Variants in CTNNA3 observed in about 807,000 individuals in gnomAD.
CTNNA3 encodes catenin alpha 3.
CTNNA3 carries 76 observed loss-of-function variants against 95.7 expected under a neutral mutation model. That is an observed-to-expected ratio of 0.79 (90% confidence interval 0.66 to 0.96). The LOEUF is 0.96. Ranked by LOEUF, CTNNA3 falls within the 40% of genes least tolerant of loss-of-function variation. CTNNA3 has a pLI of 0.00. For missense variants in CTNNA3, 1,191 were observed against 1,089.8 expected (o/e 1.09, Z -1.31); for synonymous variants, 431 against 374.4 (o/e 1.15, Z -1.74).
At chr10:66,667,222 A>T (rs942845943) in intron 9 of CTNNA3, among the ~76,000 whole-genome samples, 2 of 151,988 alleles carry the variant, frequency 1.3e-5, no homozygotes, top group Non-Finnish European at 2.9e-5. Flanking sequence ...TTACTATAAG[A>T]GCACAAAGTT....
chr10:66,618,284 G>A (rs960703788), intron 10 of CTNNA3, among the ~76,000 whole-genome samples: 1 of 151,832 alleles, frequency 6.6e-6, no homozygotes, highest in African/African-American at 2.4e-5. Flanking sequence ...CAAAGCTGGA[G>A]GCATCACGCT....
At chr10:66,750,140 A>G (rs1839073613) in intron 9 of CTNNA3, among the ~76,000 whole-genome samples, 1 of 152,162 alleles carries the variant, frequency 6.6e-6, no homozygotes, top group African/African-American at 2.4e-5. Context: ...ATGTATTTCA[A>G]ATATATTATT....
intron 5 of CTNNA3, among the ~76,000 whole-genome samples, chr10:67,437,010 G>T (rs1337961838): frequency 6.6e-6 from 1 of 152,110 alleles, no homozygotes; most frequent in Non-Finnish European, 1.5e-5. Flanking sequence ...TATTCGAAAA[G>T]ATACTTGCAC....
intron 15 of CTNNA3, among the ~76,000 whole-genome samples, chr10:66,040,110 A>C (rs1349159128): frequency 6.6e-6 from 1 of 152,214 alleles, no homozygotes; most frequent in Non-Finnish European, 1.5e-5. Context: ...TGTAGCCAAC[A>C]CACTTATTTA....
intron 1 of CTNNA3, among the ~76,000 whole-genome samples, chr10:67,755,439 G>T (rs911146631): frequency 1.3e-5 from 2 of 152,000 alleles, no homozygotes; most frequent in Admixed American, 1.3e-4. Context: ...CAGTATGGAG[G>T]TTCCTCAAAA....
At chr10:67,626,722 C>T (rs1838968923) in intron 2 of CTNNA3, among the ~76,000 whole-genome samples, 1 of 152,066 alleles carries the variant, frequency 6.6e-6, no homozygotes. Flanking sequence ...CATTAAACTC[C>T]CTCATCTATT....
intron 6 of CTNNA3, among the ~76,000 whole-genome samples, chr10:67,191,798 C>A (rs1863131748): frequency 6.6e-6 from 1 of 151,814 alleles, no homozygotes; most frequent in South Asian, 2.1e-4. Context: ...CCAAAGCAAT[C>A]TTAAGAACAA....
intron 15 of CTNNA3, among the ~76,000 whole-genome samples, chr10:66,044,851 T>A (rs1167167058): frequency 6.6e-6 from 1 of 152,214 alleles, no homozygotes; most frequent in Non-Finnish European, 1.5e-5. Flanking sequence ...TTATATGCAT[T>A]ATTATATAAT....
chr10:67,464,942 T>G (rs1847528740), intron 5 of CTNNA3, among the ~76,000 whole-genome samples: 1 of 151,754 alleles, frequency 6.6e-6, no homozygotes, highest in Non-Finnish European at 1.5e-5. Flanking sequence ...AAAAGTTTAA[T>G]GGGGGAGAAA....
intron 7 of CTNNA3, among the ~76,000 whole-genome samples, chr10:67,021,117 A>G (rs550967546): frequency 6.8e-4 from 104 of 152,316 alleles, no homozygotes; most frequent in African/African-American, 2.5e-3. Context: ...AGGAGGAGAT[A>G]AAATGTGACG....
intron 7 of CTNNA3, among the ~76,000 whole-genome samples, chr10:66,785,525 T>C (rs570074077): frequency 6.6e-6 from 1 of 152,206 alleles, no homozygotes; most frequent in Admixed American, 6.5e-5. Flanking sequence ...GCTCTCCTGG[T>C]TCGCAGGCTT....
intron 7 of CTNNA3, among the ~76,000 whole-genome samples, chr10:67,058,048 C>T (rs1220955300): frequency 1.3e-5 from 2 of 152,078 alleles, no homozygotes; most frequent in South Asian, 2.1e-4. Flanking sequence ...GTACAGTGTC[C>T]CCAAGACCTG....
chr10:66,453,083 G>A (rs745538897), intron 11 of CTNNA3, among the ~76,000 whole-genome samples: 4 of 151,880 alleles, frequency 2.6e-5, no homozygotes, highest in Non-Finnish European at 4.4e-5. Flanking sequence ...CAGGTGTGGC[G>A]GCATGCACCT....
chr10:66,520,751 A>G lies in CTNNA3; in HGVS notation c.1397T>C (p.Leu466Ser). 1 of 1,612,980 alleles carries G rather than the reference A, an allele frequency of 6.2e-7. No individual in the cohort carries two copies. Among genetic ancestry groups the G allele is most frequent in the East Asian group, 2.2e-5 (1 of 44,800 alleles). Residue 466 changes from leucine (L) to serine (S), a missense_variant, in exon 11 of 18, where the codon TTG becomes TCG. Transcript: ENST00000433211. ...CPQIINAALALAARPKSQAVK... is the reference protein window; with the variant it reads ...CPQIINAALASAARPKSQAVK... ...CGCTTGACTTTTGGGTCTTGCAGCC[A>G]AAGCAAGTGCAGCATTAATAATCTA...
intron 12 of CTNNA3, among the ~76,000 whole-genome samples, chr10:66,303,803 C>T (rs1291938129): frequency 6.6e-6 from 1 of 152,020 alleles, no homozygotes; most frequent in Non-Finnish European, 1.5e-5. Context: ...CCGTGTTAGC[C>T]AGGATGGTCT....
rs1840339620 is a variant in CTNNA3 at position 67,531,870 on chromosome 10, C to A, written c.459+7633G>T. Among the ~76,000 whole-genome samples the A allele has an allele frequency of 2.6e-5, 4 of 152,140 alleles. 1 individual carries two copies. The South Asian group carries it at 8.3e-4, about 31-fold the overall frequency. On this transcript the variant is annotated intron_variant, in intron 4 of 17. Coordinates refer to ENST00000433211, the MANE Select transcript of CTNNA3 (RefSeq NM_013266.4). ...GAATTACAGGGCCAGGTCTTTCCTG[C>A]ACTGTTCTCATGATAGTGGAAGAGT...
chr10:67,759,748 T>C (rs1841453133), intron 1 of CTNNA3, among the ~76,000 whole-genome samples: 1 of 152,158 alleles, frequency 6.6e-6, no homozygotes, highest in African/African-American at 2.4e-5. Flanking sequence ...CAAACTACCA[T>C]GTTGTGGAAA....
intron 7 of CTNNA3, among the ~76,000 whole-genome samples, chr10:67,105,128 T>C (rs1858556643): frequency 6.6e-6 from 1 of 152,028 alleles, no homozygotes; most frequent in East Asian, 1.9e-4. Flanking sequence ...AGACCCATTA[T>C]TAAAATTTAC....
intron 17 of CTNNA3, among the ~76,000 whole-genome samples, chr10:65,965,093 C>T (rs2077928287): frequency 1.3e-5 from 2 of 152,220 alleles, no homozygotes; most frequent in East Asian, 1.9e-4. Flanking sequence ...CACTATTTTT[C>T]CCCCTCTAAC....
Sources: gnomAD v4.1 joint callset for allele counts (sites outside exome capture counted in the v4.1 genomes callset) on GRCh38, gnomAD v4.1.1 for gene constraint, MANE v1.5 for transcripts, NCBI Gene and HGNC (gene_info 2026-07-23, HGNC 2026-07-21) for gene names.